The following ABHD17C variants were observed in gnomAD, a reference collection of about 807,000 sequenced individuals.
The protein encoded by ABHD17C is abhydrolase domain containing 17C, depalmitoylase, also known as alpha/beta hydrolase domain-containing protein 17C.
Under a neutral mutation model 27.9 loss-of-function variants are expected in ABHD17C, and 11 were observed. The ratio of observed to expected loss-of-function variants is 0.39; its 90% CI spans 0.25 to 0.65. The LOEUF is 0.65. Among genes scored for constraint, ABHD17C ranks in the 30% least tolerant of loss-of-function variants. The pLI, the probability that ABHD17C is intolerant of heterozygous loss-of-function variation, is 0.45. For synonymous variants in ABHD17C, 233 were observed against 209.1 expected (o/e 1.11, Z -0.98); for missense variants, 280 against 470.2 (o/e 0.60, Z 3.74).
chr15:80,718,320 TTA>T (rs1255572536), intron 1 of ABHD17C, among the ~76,000 whole-genome samples: 1 of 152,042 alleles, frequency 6.6e-6, no homozygotes, highest in East Asian at 1.9e-4. Context: ...TAATTTTATT[TTA>T]TTTTTAAATT....
intron 1 of ABHD17C, among the ~76,000 whole-genome samples, chr15:80,703,808 C>G (rs1894606843): frequency 6.6e-6 from 1 of 152,198 alleles, no homozygotes; most frequent in African/African-American, 2.4e-5. Flanking sequence ...GCTATCCCCC[C>G]TTACCTGGTG....
At chr15:80,725,658 G>A (rs1217757942) in intron 1 of ABHD17C, among the ~76,000 whole-genome samples, 1 of 152,012 alleles carries the variant, frequency 6.6e-6, no homozygotes, top group African/African-American at 2.4e-5. Flanking sequence ...GACTACAGGT[G>A]TGCACCACCG....
chr15:80,701,689 AAAAC>A (rs577406332), intron 1 of ABHD17C, among the ~76,000 whole-genome samples: 43 of 152,284 alleles, frequency 2.8e-4, no homozygotes, highest in African/African-American at 1.0e-3. Context: ...AAAAAAAAAA[AAAAC>A]AAATGTTATG....
intron 1 of ABHD17C, among the ~76,000 whole-genome samples, chr15:80,709,018 C>T (rs893098458): frequency 6.6e-6 from 1 of 152,150 alleles, no homozygotes; most frequent in African/African-American, 2.4e-5. Flanking sequence ...ATATTACCTG[C>T]TCCTGGGAAG....
chr15:80,695,478 T>C lies in ABHD17C; in HGVS notation c.49T>C (p.Cys17Arg). Reference protein sequence around the residue: ...RMNGFSLGELCWLFCCPPCPS... With the variant: ...RMNGFSLGELRWLFCCPPCPS... ...GAACGGCTTCTCGCTGGGTGAGCTG[T>C]GCTGGCTCTTCTGCTGCCCGCCCTG... The change falls in exon 1 of 3, where the codon TGC becomes CGC. Residue 17 changes from cysteine to arginine, a missense_variant. Transcript: ENST00000258884. This position sits in a 1 kb window ranked among gnomAD's most constrained non-coding sequence, Gnocchi z 4.3. The C allele has an allele frequency of 7.2e-7, 1 of 1,392,118 alleles. No homozygotes were observed. Among genetic ancestry groups the C allele is most frequent in the Non-Finnish European group, 9.4e-7 (1 of 1,062,436 alleles). The allele number at this position is 1,392,118 out of a possible 1,614,324, so 86.2% of individuals were successfully genotyped here. A position where few individuals can be genotyped will look rare whatever the true frequency, so the allele number is the denominator to read the frequency against.
At chr15:80,734,328 C>G (rs557497214) in intron 1 of ABHD17C, among the ~76,000 whole-genome samples, 1 of 152,234 alleles carries the variant, frequency 6.6e-6, no homozygotes, top group Admixed American at 6.5e-5. Context: ...GCTCAAATGC[C>G]CTGTGGAGGA....
At position 80,708,293 on chromosome 15, in the gene ABHD17C, T is replaced by TTTTTG. The variant is rs570879028; in HGVS notation, c.590+12303_590+12307dup. Among the ~76,000 whole-genome samples, 154 of 151,778 alleles carry TTTTTG rather than the reference T, an allele frequency of 1.0e-3. 2 individuals are homozygous for TTTTTG. The South Asian group carries it at 0.013, about 12-fold the overall frequency. ...TCCCCACCTCACATTCTTCTCTATT[T>TTTTTG]TTTTGTTTTGTTTTGTTTTGTTTTG... is the stretch of plus-strand genomic sequence containing the variant. On this transcript the variant is annotated intron_variant, in intron 1 of 2. Coordinates refer to ENST00000258884, the MANE Select transcript of ABHD17C (RefSeq NM_021214.2).
chr15:80,697,971 G>A (rs1024957700), intron 1 of ABHD17C, among the ~76,000 whole-genome samples: 4 of 151,416 alleles, frequency 2.6e-5, no homozygotes, highest in African/African-American at 7.3e-5. Flanking sequence ...ACACATACAC[G>A]TCTGTATCCA....
chr15:80,730,665 C>T (rs551106245), intron 1 of ABHD17C, among the ~76,000 whole-genome samples: 6 of 152,164 alleles, frequency 3.9e-5, no homozygotes, highest in Non-Finnish European at 8.8e-5. Context: ...TGGATTGAAA[C>T]GTTGACTCGC....
Position 80,754,480 on chromosome 15 carries a change from A to C in ABHD17C, c.*110A>C. ...CTTGATAACCATGAAGAAGTGCCCA[A>C]CCTTTAGGGTGTTCTAATCAAAGAG... is the stretch of plus-strand genomic sequence containing the variant. On this transcript the variant is annotated 3_prime_UTR_variant, in exon 3 of 3. Coordinates refer to ENST00000258884, the MANE Select transcript of ABHD17C (RefSeq NM_021214.2). 2 of 862,692 alleles carry C rather than the reference A, an allele frequency of 2.3e-6. No individual in the cohort carries two copies. Among genetic ancestry groups the C allele is most frequent in the Admixed American group, 2.7e-5 (1 of 36,428 alleles). 53.4% of individuals were successfully genotyped at this position (862,692 alleles called of 1,614,324 possible).
intron 1 of ABHD17C, among the ~76,000 whole-genome samples, chr15:80,747,385 G>A (rs534952896): frequency 1.3e-4 from 20 of 152,224 alleles, no homozygotes; most frequent in African/African-American, 4.6e-4. Flanking sequence ...CTGCTGAAAC[G>A]GCCCTCCCAG....
chr15:80,717,249 A>C (rs1404282524), intron 1 of ABHD17C, among the ~76,000 whole-genome samples: 1 of 79,558 alleles, frequency 1.3e-5, no homozygotes, highest in African/African-American at 5.1e-5. Context: ...TGAGCATTTG[A>C]TGGGGGCCAA....
At chr15:80,702,799 G>T (rs1894591972) in intron 1 of ABHD17C, 2 of 152,254 alleles carry the variant, frequency 1.3e-5, no homozygotes, top group Non-Finnish European at 2.9e-5. Flanking sequence ...AACATATACA[G>T]TTAGGAGATT....
At chr15:80,751,221 G>C (rs138630969) in intron 2 of ABHD17C, among the ~76,000 whole-genome samples, 1 of 151,858 alleles carries the variant, frequency 6.6e-6, no homozygotes, top group African/African-American at 2.4e-5. Context: ...TTAGACGAGC[G>C]TGGTGGTGCA....
rs1291998388 is a variant in ABHD17C, at chr15:80,696,018, C to G, written c.589C>G (p.Arg197Gly). 2 of 1,565,784 alleles carry G rather than the reference C, an allele frequency of 1.3e-6. No homozygotes were observed. The highest frequency in any genetic ancestry group is 1.7e-6 in the Non-Finnish European group (2 of 1,163,234). Residue 197 changes from arginine to glycine, a missense_variant and splice_region_variant, in exon 1 of 3, where the codon CGG becomes GGG. Arg to Gly is a moderately radical substitution (Grantham distance 125, BLOSUM62 -2). Around this residue, in one of 2 missense-constraint regions of ABHD17C, gnomAD observed 206 missense variants for 394.7 expected, o/e 0.52. Coordinates refer to ENST00000258884, the MANE Select transcript of ABHD17C (RefSeq NM_021214.2). ...IDAAWQALRT[R>G]YGVSPENIIL... is the part of the protein sequence containing the mutation. ...CGCCGCGTGGCAGGCGCTGCGCACC[C>G]GGTGAGCCTGCCGGGGTCGCCAGGC...
At chr15:80,712,634 T>G (rs926881798) in intron 1 of ABHD17C, among the ~76,000 whole-genome samples, 1 of 152,196 alleles carries the variant, frequency 6.6e-6, no homozygotes, top group Admixed American at 6.5e-5. Flanking sequence ...GAGGAGTGTG[T>G]CCATCTGTCA....
At chr15:80,709,419 G>A (rs989580064) in intron 1 of ABHD17C, among the ~76,000 whole-genome samples, 1 of 151,190 alleles carries the variant, frequency 6.6e-6, no homozygotes, top group African/African-American at 2.4e-5. Flanking sequence ...AACCCAGGAG[G>A]CAGAGATTGC....
At chr15:80,710,466 T>C (rs528683677) in intron 1 of ABHD17C, among the ~76,000 whole-genome samples, 2 of 152,104 alleles carry the variant, frequency 1.3e-5, no homozygotes, top group Non-Finnish European at 2.9e-5. Flanking sequence ...TAATGACAAA[T>C]TGGAGGAGCT....
At chr15:80,734,159 A>G (rs1406629617) in intron 1 of ABHD17C, among the ~76,000 whole-genome samples, 1 of 151,818 alleles carries the variant, frequency 6.6e-6, no homozygotes, top group African/African-American at 2.4e-5. Flanking sequence ...TAATTTTTGT[A>G]TTTTTGGTAG....
Sources: gnomAD v4.1 joint callset for allele counts (sites outside exome capture counted in the v4.1 genomes callset) on GRCh38, gnomAD v4.1.1 for gene constraint, gnomAD v4.1.1 regional missense constraint, Gnocchi (gnomAD v3.1) non-coding constraint, MANE v1.5 for transcripts, NCBI Gene and HGNC (gene_info 2026-07-23, HGNC 2026-07-21) for gene names.